The following BCAS1 variants were observed in gnomAD, a reference collection of about 807,000 sequenced individuals.
The protein encoded by BCAS1 is brain enriched myelin associated protein 1.
BCAS1 carries 46 observed loss-of-function variants against 65.4 expected under a neutral mutation model. The observed-to-expected ratio is 0.70, with a 90% confidence interval of 0.55 to 0.90. The LOEUF (loss-of-function observed/expected upper bound fraction) is 0.90, where lower values mean the gene tolerates loss of function less well. Ranked by LOEUF, BCAS1 falls within the 40% of genes least tolerant of loss-of-function variation. The probability of loss-of-function intolerance (pLI) is 0.00; values close to 1 mark genes in which losing one functional copy is unlikely to be tolerated. For missense variants in BCAS1, 793 were observed against 771.2 expected, an observed-to-expected ratio of 1.03 and a Z score of -0.33; for synonymous variants, 298 against 293.5, an observed-to-expected ratio of 1.02 and a Z score of -0.16.
intron 1 of BCAS1, among the ~76,000 whole-genome samples, chr20:54,062,172 G>T (rs895820138): frequency 1.3e-5 from 2 of 152,122 alleles, no homozygotes; most frequent in Admixed American, 1.3e-4. Context: ...TTACTATCTG[G>T]CTCTTTACAG....
intron 3 of BCAS1, among the ~76,000 whole-genome samples, chr20:54,044,488 AG>A (rs2092060018): frequency 6.6e-6 from 1 of 152,234 alleles, no homozygotes; most frequent in Admixed American, 6.5e-5. Context: ...AGTACAAAAA[AG>A]TCCTTAAAAA....
In BCAS1 at chr20:53,953,473, C is replaced by G. The variant is rs1382208363; in HGVS notation, c.1774G>C (p.Glu592Gln). The change falls in exon 12 of 13, where the codon GAG (glutamate) becomes CAG (glutamine). Residue 592 changes from glutamate (E) to glutamine (Q), a missense_variant. Physicochemically the swap from Glu to Gln is conservative, Grantham distance 29 (BLOSUM62 2). Coordinates refer to ENST00000688948, the MANE Select transcript of BCAS1 (RefSeq NM_001366298.2). The part of the protein sequence containing the change: ...QNGDKLQKRP[E>Q]KRQQSLGGFF... ...CCCCCAAGGGACTGCTGCCGCTTCTCAGGTCTCTTTTGGAGCTTGTCCCCA... is the reference window on the plus strand; with the variant it reads ...CCCCCAAGGGACTGCTGCCGCTTCTGAGGTCTCTTTTGGAGCTTGTCCCCA... 6 of 1,613,998 alleles carry G rather than the reference C, an allele frequency of 3.7e-6. No individual in the cohort carries two copies. Among genetic ancestry groups the G allele is most frequent in the South Asian group, 3.3e-5 (3 of 91,080 alleles).
chr20:53,981,036 C>T (rs533181976), intron 8 of BCAS1, among the ~76,000 whole-genome samples: 1 of 152,290 alleles, frequency 6.6e-6, no homozygotes, highest in South Asian at 2.1e-4. Flanking sequence ...AGCAGATAAC[C>T]TATCCATAGA....
intron 4 of BCAS1, among the ~76,000 whole-genome samples, chr20:54,010,464 G>A (rs796829814): frequency 1.3e-5 from 2 of 152,206 alleles, no homozygotes; most frequent in African/African-American, 4.8e-5. Context: ...GAACCCATGG[G>A]CACTGAAATT....
At chr20:53,970,283 G>A (rs1486573707) in intron 9 of BCAS1, among the ~76,000 whole-genome samples, 2 of 152,094 alleles carry the variant, frequency 1.3e-5, no homozygotes, top group African/African-American at 4.8e-5. Context: ...ATTGCAGTAG[G>A]TAAAAAAATA....
At chr20:54,007,558 C>T (rs1206667854) in intron 4 of BCAS1, among the ~76,000 whole-genome samples, 2 of 152,204 alleles carry the variant, frequency 1.3e-5, no homozygotes, top group African/African-American at 2.4e-5. Flanking sequence ...GATTTCCCAA[C>T]TGCAGTAATG....
In BCAS1 at chr20:53,945,140, G is replaced by T; in HGVS notation, c.1816-144C>A. On this transcript the variant is annotated intron_variant, in intron 12 of 12. Transcript: ENST00000688948. Reference sequence around the variant, plus strand: ...TTCCTCAGTGCTGGGTAAGAGAATGGTCTCCAGTCAGATGCCCGGGTTCGA... The same window carrying T: ...TTCCTCAGTGCTGGGTAAGAGAATGTTCTCCAGTCAGATGCCCGGGTTCGA... The T allele has an allele frequency of 2.7e-6, 2 of 739,280 alleles. 1 individual carries two copies. The highest frequency in any genetic ancestry group is 3.1e-5 in the South Asian group (2 of 64,600). 45.8% of individuals were successfully genotyped at this position (739,280 alleles called of 1,614,324 possible). A position where few individuals can be genotyped will look rare whatever the true frequency, so the allele number is the denominator to read the frequency against.
intron 9 of BCAS1, among the ~76,000 whole-genome samples, chr20:53,974,229 C>G (rs554355553): frequency 1.3e-5 from 2 of 152,314 alleles, no homozygotes; most frequent in South Asian, 4.1e-4. Flanking sequence ...CAGCCACAAC[C>G]CGCTTGGGTC....
At chr20:54,010,144 G>C (rs2091288543) in intron 4 of BCAS1, among the ~76,000 whole-genome samples, 1 of 152,100 alleles carries the variant, frequency 6.6e-6, no homozygotes, top group Non-Finnish European at 1.5e-5. Flanking sequence ...CTGAAAGACT[G>C]AATGCATTTC....
intron 10 of BCAS1, among the ~76,000 whole-genome samples, chr20:53,958,945 T>C (rs1418326575): frequency 6.6e-6 from 1 of 152,174 alleles, no homozygotes; most frequent in East Asian, 1.9e-4. Flanking sequence ...TAAACGTTTA[T>C]TGAGCATTCA....
chr20:54,065,280 GAT>G (rs11469137), intron 1 of BCAS1, among the ~76,000 whole-genome samples: 21,034 of 151,752 alleles, frequency 0.14, 1,918 homozygotes, highest in East Asian at 0.32. Flanking sequence ...TCATATTTTG[GAT>G]ATCTTGTCCT....
At chr20:54,067,384 T>C (rs924621915) in intron 1 of BCAS1, among the ~76,000 whole-genome samples, 18 of 152,066 alleles carry the variant, frequency 1.2e-4, no homozygotes, top group Admixed American at 1.2e-3. Context: ...AATAAGTAAA[T>C]AAATAAATCA....
At chr20:53,950,344 CTTCCTGTCTGGCACCTTTAACCT>C (rs2089477660) in intron 12 of BCAS1, among the ~76,000 whole-genome samples, 1 of 152,158 alleles carries the variant, frequency 6.6e-6, no homozygotes, top group Non-Finnish European at 1.5e-5. Flanking sequence ...GCCTTGCTCT[CTTCCTGTCTGGCACCTTTAACCT>C]TTCCTGTCTC....
chr20:53,968,083 TC>T (rs1312266859), intron 9 of BCAS1, among the ~76,000 whole-genome samples: 1 of 152,206 alleles, frequency 6.6e-6, no homozygotes, highest in Non-Finnish European at 1.5e-5. Context: ...GGCTTTCAAC[TC>T]CTGGGCTCGA....
chr20:54,012,201 T>C (rs147257406), intron 4 of BCAS1, among the ~76,000 whole-genome samples: 14 of 152,232 alleles, frequency 9.2e-5, no homozygotes, highest in African/African-American at 3.1e-4. Context: ...ATAATAAAGC[T>C]ATAGCAATGG....
chr20:54,029,994 T>C (rs954417234), intron 3 of BCAS1, among the ~76,000 whole-genome samples: 3 of 152,162 alleles, frequency 2.0e-5, no homozygotes, highest in Non-Finnish European at 4.4e-5. Flanking sequence ...AGAAGGCAAA[T>C]TAGACCTCAG....
intron 3 of BCAS1, among the ~76,000 whole-genome samples, chr20:54,041,924 A>AAAAAAAAAAAAAAAAAAAAC (rs2092006742): frequency 6.7e-6 from 1 of 149,584 alleles, no homozygotes; most frequent in Non-Finnish European, 1.5e-5. Flanking sequence ...AAAAAAAAAA[A>AAAAAAAAAAAAAAAAAAAAC]AAAAAAAGAA....
intron 4 of BCAS1, among the ~76,000 whole-genome samples, chr20:54,024,643 G>C (rs2091631753): frequency 6.6e-6 from 1 of 152,134 alleles, no homozygotes; most frequent in Non-Finnish European, 1.5e-5. Context: ...CCCTGGGGAA[G>C]TCCAACATTT....
At chr20:54,052,571 G>A (rs997837174) in intron 3 of BCAS1, among the ~76,000 whole-genome samples, 3 of 152,076 alleles carry the variant, frequency 2.0e-5, no homozygotes, top group African/African-American at 7.2e-5. Flanking sequence ...GAGTTTAGAG[G>A]GCAAAGACCA....
Sources: allele counts gnomAD v4.1 joint callset (sites outside exome capture counted in the v4.1 genomes callset), GRCh38; gene constraint gnomAD v4.1.1; transcripts MANE v1.5; gene names NCBI Gene and HGNC (gene_info 2026-07-23, HGNC 2026-07-21).